Variants in MBD2 observed in about 807,000 individuals in gnomAD.
The protein encoded by MBD2 is methyl-CpG-binding domain protein 2.
MBD2 carries 9 observed loss-of-function variants against 39.3 expected under a neutral mutation model. The ratio of observed to expected loss-of-function variants is 0.23; its 90% CI spans 0.14 to 0.40. MBD2 has a LOEUF of 0.40. Ranked by LOEUF, MBD2 falls within the 10% of genes least tolerant of loss-of-function variation. The probability of loss-of-function intolerance (pLI) is 1.00; values close to 1 mark genes in which losing one functional copy is unlikely to be tolerated. For missense variants in MBD2, 458 were observed against 532.6 expected (o/e 0.86, Z 1.38); for synonymous variants, 233 against 211.1 (o/e 1.10, Z -0.90).
chr18:54,194,557 G>GTATATATATATATATATATA (rs147119140), intron 2 of MBD2, among the ~76,000 whole-genome samples: 136 of 148,770 alleles, frequency 9.1e-4, no homozygotes, highest in African/African-American at 3.0e-3. Context: ...GTGTGTGTGT[G>GTATATATATATATATATATA]TATATATATA....
intron 3 of MBD2, among the ~76,000 whole-genome samples, chr18:54,180,740 A>G (rs1233119797): frequency 6.6e-6 from 1 of 151,948 alleles, no homozygotes; most frequent in Non-Finnish European, 1.5e-5. Context: ...TAAAAACACT[A>G]TTCGATTTTT....
chr18:54,162,387 TAAA>T (rs2086103809), intron 5 of MBD2, among the ~76,000 whole-genome samples: 1 of 152,208 alleles, frequency 6.6e-6, no homozygotes, highest in Non-Finnish European at 1.5e-5. Flanking sequence ...CCCAATTAGG[TAAA>T]GAGTAACAGT....
At chr18:54,189,578 T>A (rs1168385925) in intron 2 of MBD2, among the ~76,000 whole-genome samples, 2 of 152,138 alleles carry the variant, frequency 1.3e-5, no homozygotes, top group Non-Finnish European at 2.9e-5. Context: ...TCCTATCTGA[T>A]CAGCAAGGCA....
At chr18:54,201,826 G>A (rs1465631603) in intron 2 of MBD2, among the ~76,000 whole-genome samples, 1 of 148,476 alleles carries the variant, frequency 6.7e-6, no homozygotes, top group East Asian at 2.0e-4. Context: ...TGGCACCACT[G>A]CACTCCAGCC....
chr18:54,160,680 A>AT (rs934457618), intron 5 of MBD2, among the ~76,000 whole-genome samples: 4 of 151,628 alleles, frequency 2.6e-5, no homozygotes, highest in Non-Finnish European at 5.9e-5. Flanking sequence ...AAGAAAGTAG[A>AT]TCCCCCAGAT....
intron 2 of MBD2, among the ~76,000 whole-genome samples, chr18:54,204,455 G>A (rs2086433347): frequency 6.6e-6 from 1 of 152,148 alleles, no homozygotes; most frequent in East Asian, 1.9e-4. Flanking sequence ...TAATTCAAAT[G>A]AGATTTGCTT....
At chr18:54,193,655 A>G (rs111433476) in intron 2 of MBD2, among the ~76,000 whole-genome samples, 4,841 of 152,258 alleles carry the variant, frequency 0.032, 256 homozygotes, top group African/African-American at 0.11. Context: ...GAAAATCAAG[A>G]ACAAGGAAAA....
chr18:54,165,963 C>T (rs1402407322), intron 4 of MBD2, 113 bp downstream of exon 4: 2 of 685,798 alleles, frequency 2.9e-6, no homozygotes, highest in African/African-American at 1.8e-5. Flanking sequence ...GGCATATGAC[C>T]TCCCAAAGCA....
In MBD2 at chr18:54,159,805, A is replaced by G; in HGVS notation, c.1208T>C (p.Ile403Thr). The change falls in exon 6 of 7, where the codon ATT becomes ACT. Residue 403 changes from isoleucine to threonine, a missense_variant. By Grantham distance (89) the Ile-to-Thr change is moderately conservative (BLOSUM62 -1). Transcript: ENST00000256429. ...SRAADTEEMD[I>T]EMDSGDEA is the part of the protein sequence containing the mutation. ...GGCTTCATCTCCACTGTCCATTTCA[A>G]TATCCATCTCTTCTGTATCAGCAGC... 2.5e-6 allele frequency: 4 copies of G among 1,611,932 alleles called. No homozygotes were observed. Among genetic ancestry groups the G allele is most frequent in the East Asian group, 2.2e-5 (1 of 44,888 alleles).
chr18:54,214,168 T>G (rs1167510094), intron 1 of MBD2, among the ~76,000 whole-genome samples: 1 of 151,484 alleles, frequency 6.6e-6, no homozygotes, highest in Non-Finnish European at 1.5e-5. Flanking sequence ...TACATATATA[T>G]ATATTTTGTT....
chr18:54,177,745 G>T (rs184716122), intron 3 of MBD2, among the ~76,000 whole-genome samples: 1 of 144,686 alleles, frequency 6.9e-6, no homozygotes, highest in Admixed American at 7.0e-5. Context: ...CTCCCAAGAT[G>T]CTGGGATTAC....
chr18:54,221,318 C>T (rs1264639985), intron 1 of MBD2, among the ~76,000 whole-genome samples: 1 of 151,766 alleles, frequency 6.6e-6, no homozygotes, highest in Non-Finnish European at 1.5e-5. Context: ...ATTAGCTGGG[C>T]GTGGTGGTGG....
At chr18:54,158,461 A>G (rs2086070053) in intron 6 of MBD2, among the ~76,000 whole-genome samples, 1 of 152,120 alleles carries the variant, frequency 6.6e-6, no homozygotes, top group Non-Finnish European at 1.5e-5. Context: ...TGGGGTGCCA[A>G]AAAGGAAGAC....
chr18:54,192,034 G>A lies in MBD2; in HGVS notation c.703-3023C>T, dbSNP rs1252969825. Reference sequence around the variant, plus strand: ...TTTTAAATGCTCTCCTGGTCATTCTGTGATGCAAAGAAAGTTTGAACACCT... The same window carrying A: ...TTTTAAATGCTCTCCTGGTCATTCTATGATGCAAAGAAAGTTTGAACACCT... On this transcript the variant is annotated intron_variant, in intron 2 of 6. Transcript: ENST00000256429. Among the ~76,000 whole-genome samples the A allele has an allele frequency of 2.0e-5, 3 of 152,288 alleles. No individual in the cohort carries two copies. In the East Asian group the frequency reaches 5.8e-4, roughly 29 times the overall value.
intron 3 of MBD2, among the ~76,000 whole-genome samples, chr18:54,185,899 T>C (rs2144307496): frequency 6.6e-6 from 1 of 152,284 alleles, no homozygotes; most frequent in East Asian, 1.9e-4. Flanking sequence ...TTCTGTTTAA[T>C]GCTTTTCTTT....
intron 2 of MBD2, among the ~76,000 whole-genome samples, chr18:54,190,145 C>T (rs2086310814): frequency 6.6e-6 from 1 of 152,006 alleles, no homozygotes; most frequent in African/African-American, 2.4e-5. Flanking sequence ...TTCCAGCAAA[C>T]AGAACTCAAT....
At chr18:54,212,902 C>T (rs1241011104) in intron 1 of MBD2, among the ~76,000 whole-genome samples, 1 of 151,456 alleles carries the variant, frequency 6.6e-6, no homozygotes, top group Non-Finnish European at 1.5e-5. Flanking sequence ...CATGGTGGCA[C>T]GTGCCTGTAG....
rs370082884 is a variant in MBD2 at position 54,164,518 on chromosome 18, A to G, written c.1109+5T>C. On this transcript the variant is annotated splice_donor_5th_base_variant and intron_variant, in intron 5 of 6. Coordinates refer to ENST00000256429, the MANE Select transcript of MBD2 (RefSeq NM_003927.5). ...AGTTTATGAAGTCATGTTAAACTGC[A>G]TTACCTGATGTCTTCATCTGTGACA... is the stretch of plus-strand genomic sequence containing the variant. 1.2e-5 allele frequency: 20 copies of G among 1,605,632 alleles called. No homozygotes were observed. Among genetic ancestry groups the G allele is most frequent in the Non-Finnish European group, 1.7e-5 (20 of 1,172,770 alleles).
chr18:54,160,662 AAAAAG>A (rs933345971), intron 5 of MBD2, among the ~76,000 whole-genome samples: 1 of 151,836 alleles, frequency 6.6e-6, no homozygotes, highest in African/African-American at 2.4e-5. Context: ...AAAAAAAAAA[AAAAAG>A]AAAAGAAAGT....
Sources: gnomAD v4.1 joint callset for allele counts (sites outside exome capture counted in the v4.1 genomes callset) on GRCh38, gnomAD v4.1.1 for gene constraint, MANE v1.5 for transcripts, NCBI Gene and HGNC (gene_info 2026-07-23, HGNC 2026-07-21) for gene names.